The following FBXL17 variants were observed in gnomAD, a reference collection of about 807,000 sequenced individuals.
The protein encoded by FBXL17 is F-box and leucine rich repeat protein 17.
FBXL17 carries 22 observed loss-of-function variants against 66.2 expected under a neutral mutation model. That is an observed-to-expected ratio of 0.33 (90% CI 0.24 to 0.47). The LOEUF is 0.47. Ranked by LOEUF, FBXL17 falls within the 20% of genes least tolerant of loss-of-function variation. FBXL17 has a pLI of 1.00. For synonymous variants in FBXL17, 474 were observed against 400.5 expected (o/e 1.18, Z -2.19); for missense variants, 878 against 948.2 (o/e 0.93, Z 0.97).
chr5:107,877,845 G>A (rs1748658475), intron 8 of FBXL17, among the ~76,000 whole-genome samples: 2 of 152,112 alleles, frequency 1.3e-5, no homozygotes, highest in African/African-American at 4.8e-5. Flanking sequence ...AATTAATTTT[G>A]TTCTTTAATG....
At chr5:108,344,612 A>C (rs940441650) in intron 4 of FBXL17, among the ~76,000 whole-genome samples, 1 of 152,196 alleles carries the variant, frequency 6.6e-6, no homozygotes, top group African/African-American at 2.4e-5. Context: ...AGTAGTTTAA[A>C]ACACTGGCCT....
At chr5:107,990,551 C>T (rs577728760) in intron 7 of FBXL17, among the ~76,000 whole-genome samples, 1 of 151,982 alleles carries the variant, frequency 6.6e-6, no homozygotes, top group Non-Finnish European at 1.5e-5. Context: ...GTTTTCTTAT[C>T]TGTAAAATGG....
At chr5:108,339,765 A>G (rs1746754279) in intron 4 of FBXL17, among the ~76,000 whole-genome samples, 1 of 152,186 alleles carries the variant, frequency 6.6e-6, no homozygotes. Context: ...TCCTATTTTT[A>G]ACCATAACAA....
chr5:107,920,256 G>C (rs1411139244), intron 7 of FBXL17, among the ~76,000 whole-genome samples: 2 of 152,182 alleles, frequency 1.3e-5, no homozygotes, highest in African/African-American at 2.4e-5. Context: ...CTGGGCTGGA[G>C]TGCAACGGCG....
chr5:108,145,807 T>G (rs980522704), intron 6 of FBXL17, among the ~76,000 whole-genome samples: 2 of 142,292 alleles, frequency 1.4e-5, no homozygotes, highest in Non-Finnish European at 1.5e-5. Flanking sequence ...GCACTAAATT[T>G]TCGGTTGCCT....
At position 108,381,167 on chromosome 5, in the gene FBXL17, G is replaced by T; in HGVS notation, c.525C>A (p.Ala175=). Residue 175 remains alanine, a synonymous_variant, in exon 1 of 9, where the codon GCC becomes GCA. Coordinates refer to ENST00000542267, the MANE Select transcript of FBXL17 (RefSeq NM_001163315.3). ...GTGTCGGCCCCCGGAAGAGCTGCACGGCGGCGGGCGGCCCCAGGAAGCGCA... is the reference window on the plus strand; with the variant it reads ...GTGTCGGCCCCCGGAAGAGCTGCACTGCGGCGGGCGGCCCCAGGAAGCGCA... ...GPVRFLGPPA[A]VQLFRGPTPS... 3.5e-6 allele frequency: 5 copies of T among 1,426,972 alleles called. No individual in the cohort carries two copies. Among genetic ancestry groups the T allele is most frequent in the Non-Finnish European group, 4.6e-6 (5 of 1,092,078 alleles). 88.4% of individuals were successfully genotyped at this position (1,426,972 alleles called of 1,614,324 possible).
In FBXL17 at chr5:108,328,050, A is replaced by G. The variant is rs374954297; in HGVS notation, c.1506+20349T>C. Among the ~76,000 whole-genome samples, 40 of 152,298 alleles carry G rather than the reference A, an allele frequency of 2.6e-4. No homozygotes were observed. The South Asian group carries it at 8.3e-3, about 32-fold the overall frequency. On this transcript the variant is annotated intron_variant, in intron 4 of 8. Coordinates refer to ENST00000542267, the MANE Select transcript of FBXL17 (RefSeq NM_001163315.3). The stretch of plus-strand genomic sequence containing the variant: ...ATGGTTAATATTGGTGTTGGAATCT[A>G]TATCTGTCTGACACAAAAACTATCT...
intron 6 of FBXL17, among the ~76,000 whole-genome samples, chr5:108,185,552 T>C (rs1221660873): frequency 6.6e-6 from 1 of 152,136 alleles, no homozygotes; most frequent in Non-Finnish European, 1.5e-5. Context: ...AAGGTAGTTC[T>C]TTATGGTAAT....
At position 108,146,950 on chromosome 5, in the gene FBXL17, C is replaced by T. The variant is rs1410035166; in HGVS notation, c.1745+39167G>A. ...TCACAGTTCTGGAGGCTGAGAAGTC[C>T]AAGATCAAGGAACTAGCAGATTCAA... On this transcript the variant is annotated intron_variant, in intron 6 of 8. Transcript: ENST00000542267. Among the ~76,000 whole-genome samples the T allele has an allele frequency of 2.1e-4, 32 of 152,116 alleles. 1 individual carries two copies. The highest frequency in any genetic ancestry group is 2.1e-3 in the Admixed American group (32 of 15,268).
intron 6 of FBXL17, among the ~76,000 whole-genome samples, chr5:108,154,378 G>C (rs1298664572): frequency 1.3e-5 from 2 of 150,328 alleles, no homozygotes; most frequent in Non-Finnish European, 3.0e-5. Flanking sequence ...CGGATCACCT[G>C]AGGTCAGGAG....
chr5:107,922,977 A>G (rs1000353990), intron 7 of FBXL17, among the ~76,000 whole-genome samples: 1 of 152,206 alleles, frequency 6.6e-6, no homozygotes, highest in Admixed American at 6.5e-5. Context: ...TAGTGCCTAA[A>G]GCACTTCCTA....
At chr5:108,122,683 T>C (rs1946209) in intron 6 of FBXL17, among the ~76,000 whole-genome samples, 4,587 of 152,236 alleles carry the variant, frequency 0.03, 216 homozygotes, top group African/African-American at 0.1. Flanking sequence ...GAGTAACATA[T>C]ACTCAAAGTC....
At chr5:108,228,468 T>C (rs1454828513) in intron 4 of FBXL17, among the ~76,000 whole-genome samples, 1 of 152,174 alleles carries the variant, frequency 6.6e-6, no homozygotes, top group Non-Finnish European at 1.5e-5. Flanking sequence ...CAACAAGTCA[T>C]TTCTCCTCTC....
intron 7 of FBXL17, among the ~76,000 whole-genome samples, chr5:107,926,809 T>G (rs973873505): frequency 1.3e-5 from 2 of 152,150 alleles, no homozygotes; most frequent in Admixed American, 1.3e-4. Flanking sequence ...CAGTTACTAA[T>G]GCACATTTTG....
At chr5:107,952,951 C>T (rs1751543941) in intron 7 of FBXL17, among the ~76,000 whole-genome samples, 1 of 152,158 alleles carries the variant, frequency 6.6e-6, no homozygotes, top group African/African-American at 2.4e-5. Flanking sequence ...CTCAGTCCTC[C>T]TCCATTACTC....
chr5:108,249,321 C>T (rs1005515903), intron 4 of FBXL17, among the ~76,000 whole-genome samples: 4 of 151,982 alleles, frequency 2.6e-5, no homozygotes, highest in Non-Finnish European at 5.9e-5. Flanking sequence ...TGAGACAAGC[C>T]AGGAATATAT....
chr5:108,282,554 A>G (rs74963345), intron 4 of FBXL17, among the ~76,000 whole-genome samples: 2,177 of 151,922 alleles, frequency 0.014, 25 homozygotes, highest in South Asian at 0.031. Flanking sequence ...ACCACAGCTA[A>G]CATAATACTA....
At chr5:108,366,655 A>T (rs1330125952) in intron 2 of FBXL17, among the ~76,000 whole-genome samples, 2 of 152,070 alleles carry the variant, frequency 1.3e-5, no homozygotes, top group African/African-American at 2.4e-5. Context: ...TGATGTAACA[A>T]GCTGATAGAT....
chr5:108,362,052 G>C (rs1748376097), intron 3 of FBXL17, among the ~76,000 whole-genome samples: 1 of 152,132 alleles, frequency 6.6e-6, no homozygotes, highest in South Asian at 2.1e-4. Flanking sequence ...GACGTTTCCA[G>C]AGTTCTGACA....
Sources: gnomAD v4.1 joint callset for allele counts (sites outside exome capture counted in the v4.1 genomes callset) on GRCh38, gnomAD v4.1.1 for gene constraint, MANE v1.5 for transcripts, NCBI Gene and HGNC (gene_info 2026-07-23, HGNC 2026-07-21) for gene names.